Variants in SSBP4 observed in about 807,000 individuals in gnomAD.
SSBP4 encodes single stranded DNA binding protein 4, also known as single-stranded DNA-binding protein 4.
A neutral mutation model predicts 64.6 loss-of-function variants in SSBP4; 33 were observed. That is an observed-to-expected ratio of 0.51 (90% CI 0.39 to 0.68). The LOEUF is 0.68. Ranked by LOEUF, SSBP4 falls within the 30% of genes least tolerant of loss-of-function variation. SSBP4 has a pLI of 0.00. For missense variants in SSBP4, 583 were observed against 566.8 expected (o/e 1.03, Z -0.29); for synonymous variants, 243 against 224.0 (o/e 1.08, Z -0.76).
chr19:18,407,653 G>A, the SSBP4 span, among the ~76,000 whole-genome samples: 4 of 151,402 alleles, frequency 2.6e-5, no homozygotes, highest in South Asian at 4.2e-4. Context: ...GGATGGTCTC[G>A]ATCTCCTGAC....
chr19:18,420,058 G>C (rs1164272391), intron 1 of SSBP4: 2 of 155,158 alleles, frequency 1.3e-5, no homozygotes, highest in Non-Finnish European at 2.9e-5. Flanking sequence ...TCCCCGAGCG[G>C]GTCTCGGGGG....
At chr19:18,428,511 C>T (rs1973038006) in intron 4 of SSBP4, among the ~76,000 whole-genome samples, 1 of 152,182 alleles carries the variant, frequency 6.6e-6, no homozygotes, top group Non-Finnish European at 1.5e-5. Context: ...AGAGGCCGGC[C>T]TGGAGTGGAG....
intron 4 of SSBP4, among the ~76,000 whole-genome samples, chr19:18,429,128 G>A (rs1402612747): frequency 1.3e-5 from 2 of 152,158 alleles, no homozygotes; most frequent in African/African-American, 2.4e-5. Context: ...TCCCCGCGGG[G>A]ACTCGTCATG....
intron 1 of SSBP4, among the ~76,000 whole-genome samples, chr19:18,425,162 G>A (rs1258359430): frequency 6.6e-6 from 1 of 151,940 alleles, no homozygotes; most frequent in Admixed American, 6.6e-5. Flanking sequence ...GGACAGTCGA[G>A]GAACAGGAGA....
Position 18,427,780 on chromosome 19 carries a change from G to C in SSBP4, c.161G>C (p.Gly54Ala). 2 of 1,604,886 alleles carry C rather than the reference G, an allele frequency of 1.2e-6. No homozygotes were observed. Among genetic ancestry groups the C allele is most frequent in the Non-Finnish European group, 1.7e-6 (2 of 1,172,764 alleles). ...EIRWEKNITL[G>A]EPPGFLHSWW... is the part of the protein sequence containing the mutation. ...CGATGGGAGAAGAACATCACGCTGG[G>C]GGAGCCCCCTGGGTTCCTGCACTCC... The change falls in exon 3 of 18, where the codon GGG becomes GCG. Residue 54 changes from glycine to alanine, a missense_variant. This residue lies in a region of SSBP4 where 43 missense variants were observed against 74.2 expected (regional missense o/e 0.58). Coordinates refer to ENST00000270061, the MANE Select transcript of SSBP4 (RefSeq NM_032627.5). The surrounding 1 kb of genome is among the most constrained non-coding windows in gnomAD (Gnocchi z 4.4).
chr19:18,421,415 C>A (rs1182140613), intron 1 of SSBP4, among the ~76,000 whole-genome samples: 1 of 152,242 alleles, frequency 6.6e-6, no homozygotes, highest in African/African-American at 2.4e-5. Flanking sequence ...TGTCTCCAGG[C>A]AGCTGCTGGC....
chr19:18,418,000 G>A (rs1972193920), upstream of SSBP4, among the ~76,000 whole-genome samples: 1 of 152,168 alleles, frequency 6.6e-6, no homozygotes, highest in Non-Finnish European at 1.5e-5. This position sits in a 1 kb window ranked among gnomAD's most constrained non-coding sequence, Gnocchi z 5.4. Flanking sequence ...CGTGAGCACA[G>A]AGCCACACAC....
In SSBP4 at chr19:18,427,354, G is replaced by T; in HGVS notation, c.63G>T (p.Leu21Phe). The T allele has an allele frequency of 6.2e-7, 1 of 1,610,146 alleles. No homozygotes were observed. ...CTGGGCCGCCTCGCCCCCACAGGTTGGCGCTGTACGTTTATGAGTACCTGC... is the reference window on the plus strand; with the variant it reads ...CTGGGCCGCCTCGCCCCCACAGGTTTGCGCTGTACGTTTATGAGTACCTGC... Reference protein sequence around the residue: ...VPSDSQAREKLALYVYEYLLH... With the variant: ...VPSDSQAREKFALYVYEYLLH... The change falls in exon 2 of 18, where the codon TTG (leucine) becomes TTT (phenylalanine). Residue 21 changes from leucine (L) to phenylalanine (F), a missense_variant. Leu to Phe is a conservative substitution (Grantham distance 22, BLOSUM62 0). Around this residue, in one of 5 missense-constraint regions of SSBP4, gnomAD observed 39 missense variants for 25.7 expected, o/e 1.52. Coordinates refer to ENST00000270061, the MANE Select transcript of SSBP4 (RefSeq NM_032627.5). This position sits in a 1 kb window ranked among gnomAD's most constrained non-coding sequence, Gnocchi z 4.4.
chr19:18,410,270 A>G, the SSBP4 span, among the ~76,000 whole-genome samples: 1,790 of 152,252 alleles, frequency 0.012, 29 homozygotes, highest in African/African-American at 0.041. Flanking sequence ...TGCTGGGATT[A>G]CAGGCGTGAG....
rs778813652 is a variant in SSBP4 at position 18,432,846 on chromosome 19, T to C, written c.804T>C (p.Gly268=). ...PGSYTGPPGG[G]GPPGTPIMPS... ...GTGTGCAGGGACCCCCAGGAGGAGG[T>C]GGGCCCCCTGGAACACCCATCATGC... The change falls in exon 13 of 18, where the codon GGT becomes GGC. Residue 268 remains glycine (G), a synonymous_variant. Coordinates refer to ENST00000270061, the MANE Select transcript of SSBP4 (RefSeq NM_032627.5). 5.0e-6 allele frequency: 8 copies of C among 1,613,742 alleles called. No homozygotes were observed. The Admixed American group carries it at 1.3e-4, about 27-fold the overall frequency.
chr19:18,420,245 G>A (rs1972346331), intron 1 of SSBP4: 1 of 152,268 alleles, frequency 6.6e-6, no homozygotes, highest in Non-Finnish European at 1.5e-5. Context: ...CCCAGCAGCT[G>A]TGTGGGGCCC....
chr19:18,405,004 A>G, the SSBP4 span, among the ~76,000 whole-genome samples: 1 of 144,800 alleles, frequency 6.9e-6, no homozygotes, highest in Non-Finnish European at 1.5e-5. Flanking sequence ...CCCGCGAAAG[A>G]AAAAAACATG....
the SSBP4 span, among the ~76,000 whole-genome samples, chr19:18,411,856 C>T: frequency 6.0e-4 from 91 of 152,272 alleles, no homozygotes; most frequent in African/African-American, 2.1e-3. Context: ...GGAAATCTTT[C>T]TTCCACCAGT....
At chr19:18,431,455 A>G in intron 6 of SSBP4, 37 bp downstream of exon 6, 1 of 1,169,078 alleles carries the variant, frequency 8.6e-7, no homozygotes. Flanking sequence ...ACACACACAC[A>G]TCCCCTCCCC....
intron 1 of SSBP4, among the ~76,000 whole-genome samples, chr19:18,420,471 A>G (rs1328931554): frequency 6.6e-6 from 1 of 152,082 alleles, no homozygotes; most frequent in Non-Finnish European, 1.5e-5. Context: ...GTGGGGAGTC[A>G]GCCGAGTGTG....
rs546686430 is a variant in SSBP4 at position 18,431,878 on chromosome 19, C to G, written c.565+16C>G. On this transcript the variant is annotated intron_variant, in intron 8 of 17. Coordinates refer to ENST00000270061, the MANE Select transcript of SSBP4 (RefSeq NM_032627.5). ...CGAGCCCAGGGTGAGTAGGGAAGCTCCAGCCCCTATCCCGCCATCAATCAG... is the reference window on the plus strand; with the variant it reads ...CGAGCCCAGGGTGAGTAGGGAAGCTGCAGCCCCTATCCCGCCATCAATCAG... 25 of 1,569,706 alleles carry G rather than the reference C, an allele frequency of 1.6e-5. 1 individual carries two copies. The Middle Eastern group carries it at 5.0e-4, about 32-fold the overall frequency.
At chr19:18,429,225 C>T (rs976922421) in intron 4 of SSBP4, among the ~76,000 whole-genome samples, 28 of 152,254 alleles carry the variant, frequency 1.8e-4, no homozygotes, top group Non-Finnish European at 3.8e-4. Context: ...CCTCTCTCGC[C>T]CTCCGAGGCG....
Position 18,431,392 on chromosome 19 carries a change from G to T in SSBP4, c.409G>T (p.Ala137Ser). ...GSQPSPHNPN[A>S]PMMGPHGQPF... is the part of the protein sequence containing the mutation. ...CCAGCCGTCCCCCCACAACCCCAAC[G>T]CCCCCATGATGGGGCCTCACGGTCA... The change falls in exon 6 of 18, where the codon GCC becomes TCC. Residue 137 changes from alanine (A) to serine (S), a missense_variant. Physicochemically the swap from Ala to Ser is moderately conservative, Grantham distance 99. Transcript: ENST00000270061. 1 of 1,269,216 alleles carries T rather than the reference G, an allele frequency of 7.9e-7. No individual in the cohort carries two copies. The allele number at this position is 1,269,216 out of a possible 1,614,324, so 78.6% of individuals were successfully genotyped here.
rs1972985131 is a variant in SSBP4, at chr19:18,427,992, G to A, written c.279+10G>A. On this transcript the variant is annotated intron_variant, in intron 4 of 17. Transcript: ENST00000270061. This position sits in a 1 kb window ranked among gnomAD's most constrained non-coding sequence, Gnocchi z 4.4. ...GGCCTTCCAGGACTATGTGAGTCCTGGCCCCAGGGACTCAGGGGCTCCAGG... is the reference window on the plus strand; with the variant it reads ...GGCCTTCCAGGACTATGTGAGTCCTAGCCCCAGGGACTCAGGGGCTCCAGG... 6.2e-7 allele frequency: 1 copy of A among 1,609,182 alleles called. No individual in the cohort carries two copies. The highest frequency in any genetic ancestry group is 2.2e-5 in the East Asian group (1 of 44,860).
Sources: allele counts gnomAD v4.1 joint callset (sites outside exome capture counted in the v4.1 genomes callset), GRCh38; gene constraint gnomAD v4.1.1; regional missense constraint gnomAD v4.1.1; non-coding constraint Gnocchi (gnomAD v3.1); transcripts MANE v1.5; gene names NCBI Gene and HGNC (gene_info 2026-07-23, HGNC 2026-07-21).